Variants in TANC2 observed in about 807,000 individuals in gnomAD.
TANC2 encodes the protein tetratricopeptide repeat, ankyrin repeat and coiled-coil containing 2, also known as protein TANC2.
Under a neutral mutation model 210.5 loss-of-function variants are expected in TANC2, and 26 were observed. The observed-to-expected ratio is 0.12, with a 90% CI of 0.09 to 0.17. The LOEUF is 0.17. TANC2 is among the 10% of genes least tolerant of loss of function. The probability of loss-of-function intolerance (pLI) is 1.00; values close to 1 mark genes in which losing one functional copy is unlikely to be tolerated. For missense variants in TANC2, 2,129 were observed against 2,608.9 expected, an observed-to-expected ratio of 0.82 and a Z score of 4.01; for synonymous variants, 931 against 967.1, an observed-to-expected ratio of 0.96 and a Z score of 0.69.
Position 63,163,933 on chromosome 17 carries a change from T to G in TANC2, c.433+12553T>G, listed in dbSNP as rs142589647. ...TTTTGGCATAAATACATTTGGCTGT[T>G]TAAAGACTGGCTACATATTGATGAG... On this transcript the variant is annotated intron_variant, in intron 5 of 27. Coordinates refer to ENST00000689528, the Ensembl canonical transcript of TANC2. 2.6e-3 allele frequency among the ~76,000 whole-genome samples: 401 copies of G among 152,308 alleles called. 1 individual carries two copies. Among genetic ancestry groups the G allele is most frequent in the African/African-American group, 7.9e-3 (327 of 41,560 alleles).
At chr17:63,246,292 T>A (rs1290307587) in intron 8 of TANC2, among the ~76,000 whole-genome samples, 6 of 151,958 alleles carry the variant, frequency 3.9e-5, no homozygotes, top group Non-Finnish European at 5.9e-5. Context: ...TGTGGATTTT[T>A]AAAAAAATTT....
intron 14 of TANC2, among the ~76,000 whole-genome samples, chr17:63,364,039 A>G (rs755524435): frequency 2.6e-5 from 4 of 152,220 alleles, no homozygotes; most frequent in Non-Finnish European, 5.9e-5. Flanking sequence ...GGATTTATCT[A>G]ATTTGCCAAT....
intron 1 of TANC2, among the ~76,000 whole-genome samples, chr17:62,976,112 C>T (rs1046812371): frequency 2.6e-5 from 4 of 151,916 alleles, no homozygotes; most frequent in African/African-American, 7.3e-5. Flanking sequence ...AACTGTAAAC[C>T]GAAAAACTCA....
chr17:63,308,412 A>G (rs762349271), intron 9 of TANC2, among the ~76,000 whole-genome samples: 8 of 152,082 alleles, frequency 5.3e-5, no homozygotes, highest in Non-Finnish European at 7.4e-5. Context: ...TCTTCAGGGT[A>G]TCTCCAGTCT....
chr17:62,985,440 A>C (rs2032520876), intron 1 of TANC2, among the ~76,000 whole-genome samples: 1 of 152,188 alleles, frequency 6.6e-6, no homozygotes, highest in Non-Finnish European at 1.5e-5. Context: ...ATTTTCAGCT[A>C]CTATTTCATG....
intron 4 of TANC2, 43 bp downstream of exon 4, chr17:63,099,400 A>G (rs1317556555): frequency 2.9e-6 from 4 of 1,402,826 alleles, no homozygotes; most frequent in Admixed American, 4.9e-5. Flanking sequence ...CAGGAAACCT[A>G]ACGATATGAC....
At chr17:63,404,049 C>T (rs915215076) in intron 19 of TANC2, among the ~76,000 whole-genome samples, 8 of 152,170 alleles carry the variant, frequency 5.3e-5, no homozygotes, top group Admixed American at 3.3e-4. Flanking sequence ...TGGTTTGTTA[C>T]TGGAGTAGGA....
At chr17:63,046,020 G>T (rs1003285335) in intron 2 of TANC2, among the ~76,000 whole-genome samples, 2 of 151,930 alleles carry the variant, frequency 1.3e-5, no homozygotes, top group Non-Finnish European at 2.9e-5. Flanking sequence ...CTTAATCATT[G>T]TATTCACTTT....
chr17:63,272,316 C>T (rs191466224), intron 9 of TANC2, among the ~76,000 whole-genome samples: 5 of 152,046 alleles, frequency 3.3e-5, no homozygotes, highest in East Asian at 1.9e-4. Context: ...TTGGTCTATG[C>T]GTCTGTTTGT....
At chr17:63,145,335 A>C (rs1436649296) in intron 4 of TANC2, among the ~76,000 whole-genome samples, 1 of 152,174 alleles carries the variant, frequency 6.6e-6, no homozygotes, top group Non-Finnish European at 1.5e-5. Flanking sequence ...CCCACTACAG[A>C]AAATTCATGA....
chr17:62,976,476 A>G (rs1427400422), intron 1 of TANC2, among the ~76,000 whole-genome samples: 2 of 148,642 alleles, frequency 1.3e-5, no homozygotes, highest in Non-Finnish European at 3.0e-5. Context: ...TTTGATATCT[A>G]CCTACTTAAT....
At chr17:63,173,324 C>T (rs1176412105) in intron 5 of TANC2, among the ~76,000 whole-genome samples, 2 of 152,144 alleles carry the variant, frequency 1.3e-5, no homozygotes, top group Non-Finnish European at 2.9e-5. Context: ...CCCAAGAAAC[C>T]AACCTGCTAT....
intron 9 of TANC2, among the ~76,000 whole-genome samples, chr17:63,313,058 G>A (rs779500538): frequency 1.3e-5 from 2 of 152,142 alleles, no homozygotes; most frequent in Non-Finnish European, 2.9e-5. Context: ...CCACCTTGTG[G>A]TGTGTAAGTG....
intron 9 of TANC2, among the ~76,000 whole-genome samples, chr17:63,287,270 A>G (rs911223166): frequency 6.6e-6 from 1 of 152,164 alleles, no homozygotes; most frequent in African/African-American, 2.4e-5. Context: ...TAGAAGTTCA[A>G]TTTGAGTCTT....
intron 1 of TANC2, among the ~76,000 whole-genome samples, chr17:63,009,006 A>G (rs559187487): frequency 8.5e-5 from 13 of 152,336 alleles, no homozygotes; most frequent in Non-Finnish European, 1.6e-4. Context: ...TAGGGTGGTC[A>G]AAAGTATTGT....
At chr17:63,212,164 A>G (rs1041006496) in intron 7 of TANC2, among the ~76,000 whole-genome samples, 1 of 152,008 alleles carries the variant, frequency 6.6e-6, no homozygotes, top group Non-Finnish European at 1.5e-5. Context: ...TTTGCTGAGA[A>G]CACCTGGCAT....
chr17:63,000,122 T>G (rs1305179231), intron 1 of TANC2, among the ~76,000 whole-genome samples: 1 of 152,136 alleles, frequency 6.6e-6, no homozygotes, highest in Non-Finnish European at 1.5e-5. Flanking sequence ...AAATTACCTA[T>G]TAGATACTGT....
intron 8 of TANC2, among the ~76,000 whole-genome samples, chr17:63,240,447 A>T (rs2042744005): frequency 1.3e-5 from 2 of 152,168 alleles, no homozygotes; most frequent in South Asian, 4.2e-4. Flanking sequence ...ATCCCTTAGA[A>T]CCTTTTTTCA....
chr17:63,037,838 A>G (rs1598295538), intron 2 of TANC2, among the ~76,000 whole-genome samples: 1 of 152,202 alleles, frequency 6.6e-6, no homozygotes, highest in Middle Eastern at 3.4e-3. Context: ...ACATAAGTAT[A>G]TGATTTTTTT....
Sources: gnomAD v4.1 joint callset for allele counts (sites outside exome capture counted in the v4.1 genomes callset) on GRCh38, gnomAD v4.1.1 for gene constraint, MANE v1.5 for transcripts, NCBI Gene and HGNC (gene_info 2026-07-23, HGNC 2026-07-21) for gene names.